The following RHOBTB1 variants were observed in gnomAD, a reference collection of about 807,000 sequenced individuals.
RHOBTB1 encodes Rho related BTB domain containing 1.
RHOBTB1 carries 40 observed loss-of-function variants against 71.6 expected under a neutral mutation model. That is an observed-to-expected ratio of 0.56 (90% CI 0.43 to 0.73). RHOBTB1 has a LOEUF of 0.73. RHOBTB1 is among the 30% of genes least tolerant of loss of function. The pLI is 0.00. For synonymous variants in RHOBTB1, 319 were observed against 334.9 expected, an observed-to-expected ratio of 0.95 and a Z score of 0.52; for missense variants, 797 against 894.0, an observed-to-expected ratio of 0.89 and a Z score of 1.38.
intron 1 of RHOBTB1, among the ~76,000 whole-genome samples, chr10:60,993,339 G>T (rs953204811): frequency 9.9e-5 from 15 of 152,028 alleles, no homozygotes; most frequent in Non-Finnish European, 2.1e-4. Context: ...AGCTACAAGG[G>T]CACATGCCAA....
intron 2 of RHOBTB1, among the ~76,000 whole-genome samples, chr10:60,932,831 G>T (rs1387591256): frequency 6.6e-6 from 1 of 152,144 alleles, no homozygotes; most frequent in Non-Finnish European, 1.5e-5. Context: ...TAGACTATGG[G>T]TGTTTAAAAA....
At chr10:60,943,802 G>A (rs969630960) in intron 1 of RHOBTB1, among the ~76,000 whole-genome samples, 169 bp downstream of exon 1, 1 of 151,976 alleles carries the variant, frequency 6.6e-6, no homozygotes, top group Non-Finnish European at 1.5e-5. Flanking sequence ...AGAGGCGAGG[G>A]AGGCCCCCCT....
At chr10:60,947,649 A>G (rs1370459686), upstream of RHOBTB1, among the ~76,000 whole-genome samples, 1 of 152,074 alleles carries the variant, frequency 6.6e-6, no homozygotes, top group Non-Finnish European at 1.5e-5. Flanking sequence ...TATTGAATGT[A>G]TCAATAGTTC....
chr10:60,998,048 T>C (rs1365845211), intron 1 of RHOBTB1, among the ~76,000 whole-genome samples: 3 of 152,232 alleles, frequency 2.0e-5, no homozygotes, highest in Admixed American at 2.0e-4. Context: ...GACCTAAATT[T>C]CTATTATCAT....
intron 1 of RHOBTB1, among the ~76,000 whole-genome samples, chr10:60,990,548 C>G (rs1056661830): frequency 6.6e-6 from 1 of 152,216 alleles, no homozygotes; most frequent in Admixed American, 6.5e-5. Context: ...TATTCTCCAT[C>G]CGTGCTCAAT....
At chr10:60,873,745 G>A (rs776689525) in intron 9 of RHOBTB1, among the ~76,000 whole-genome samples, 4 of 152,202 alleles carry the variant, frequency 2.6e-5, no homozygotes, top group African/African-American at 4.8e-5. Flanking sequence ...TGATTCGACT[G>A]CATTAGATGT....
chr10:60,907,963 A>G (rs959416616), intron 4 of RHOBTB1, among the ~76,000 whole-genome samples: 1 of 152,338 alleles, frequency 6.6e-6, no homozygotes, highest in Middle Eastern at 3.4e-3. Context: ...AGTTCCTGAA[A>G]GGATTAACTA....
At chr10:60,868,285 A>G (rs1343556753), downstream of RHOBTB1, among the ~76,000 whole-genome samples, 3 of 152,108 alleles carry the variant, frequency 2.0e-5, no homozygotes, top group South Asian at 2.1e-4. Flanking sequence ...TCTATCTTCT[A>G]TCTCTCTATC....
chr10:60,995,982 C>T (rs1166802178), intron 1 of RHOBTB1, among the ~76,000 whole-genome samples: 8 of 152,142 alleles, frequency 5.3e-5, no homozygotes, highest in Non-Finnish European at 8.8e-5. Context: ...GTGCTAAGCA[C>T]CAAACAACTT....
intron 1 of RHOBTB1, among the ~76,000 whole-genome samples, chr10:60,943,687 T>C (rs536875660): frequency 6.6e-6 from 1 of 152,040 alleles, no homozygotes; most frequent in South Asian, 2.1e-4. Flanking sequence ...CTGCTAAGGG[T>C]GCCTGTTGTA....
chr10:60,927,871 A>G (rs2083982286), intron 2 of RHOBTB1, among the ~76,000 whole-genome samples: 2 of 152,176 alleles, frequency 1.3e-5, no homozygotes, highest in Admixed American at 1.3e-4. Flanking sequence ...AGCAAAGGAA[A>G]CGGTCAATAA....
At chr10:60,893,540 A>T (rs2082024018) in intron 4 of RHOBTB1, among the ~76,000 whole-genome samples, 1 of 152,162 alleles carries the variant, frequency 6.6e-6, no homozygotes, top group Non-Finnish European at 1.5e-5. Context: ...CAGCATAGCC[A>T]CTTATCTGTT....
rs551479643 is a variant in RHOBTB1 at position 60,961,956 on chromosome 10, C to T, written c.-61-20102G>A. ...CTGAGTAGCTGGGATTATAGGCATGCACTACCACGCCTGGATAATTTTTGT... is the reference window on the plus strand; with the variant it reads ...CTGAGTAGCTGGGATTATAGGCATGTACTACCACGCCTGGATAATTTTTGT... On this transcript the variant is annotated intron_variant, in intron 2 of 11. Transcript: ENST00000357917. Among the ~76,000 whole-genome samples, 642 of 151,950 alleles carry T rather than the reference C, an allele frequency of 4.2e-3. 1 individual carries two copies. Among genetic ancestry groups the T allele is most frequent in the Non-Finnish European group, 7.1e-3 (480 of 67,930 alleles).
chr10:60,864,686 T>G (rs2080629500), downstream of RHOBTB1, among the ~76,000 whole-genome samples: 1 of 152,176 alleles, frequency 6.6e-6, no homozygotes, highest in Admixed American at 6.5e-5. Context: ...TATTTTATTT[T>G]ATCTATTTTT....
At chr10:60,941,985 C>A (rs1039308600) in intron 1 of RHOBTB1, 131 bp from the exon 2 acceptor site, 1 of 151,848 alleles carries the variant, frequency 6.6e-6, no homozygotes, top group Non-Finnish European at 1.5e-5. Flanking sequence ...TTTACTTTTG[C>A]TAAGTGCCAG....
At chr10:60,972,765 A>G (rs2086202905) in intron 2 of RHOBTB1, among the ~76,000 whole-genome samples, 1 of 152,102 alleles carries the variant, frequency 6.6e-6, no homozygotes, top group East Asian at 1.9e-4. Flanking sequence ...ACACAATACC[A>G]GTAGTGGTGG....
At chr10:60,991,568 T>C (rs1052301735) in intron 1 of RHOBTB1, among the ~76,000 whole-genome samples, 127 of 151,942 alleles carry the variant, frequency 8.4e-4, no homozygotes, top group African/African-American at 2.7e-3. Context: ...GCAGCTGGGA[T>C]TACAAGCGCA....
intron 2 of RHOBTB1, among the ~76,000 whole-genome samples, chr10:60,965,707 A>G (rs1486487964): frequency 6.6e-6 from 1 of 152,158 alleles, no homozygotes; most frequent in Non-Finnish European, 1.5e-5. Flanking sequence ...GGATTTTTCC[A>G]TTACCTTAAT....
chr10:60,886,374 C>T (rs1284527858), intron 6 of RHOBTB1, 144 bp from the exon 7 acceptor site: 9 of 621,800 alleles, frequency 1.4e-5, no homozygotes, highest in Admixed American at 5.7e-5. Flanking sequence ...CAATCCCCAT[C>T]TTTGAGCTTT....
Sources: gnomAD v4.1 joint callset for allele counts (sites outside exome capture counted in the v4.1 genomes callset) on GRCh38, gnomAD v4.1.1 for gene constraint, MANE v1.5 for transcripts, NCBI Gene and HGNC (gene_info 2026-07-23, HGNC 2026-07-21) for gene names.